The following ENTREP1 variants were observed in gnomAD, a reference collection of about 807,000 sequenced individuals.
ENTREP1 encodes the protein Friedreich ataxia region gene X123.
chr9:69,335,145 C>G, the ENTREP1 span, among the ~76,000 whole-genome samples: 1 of 152,084 alleles, frequency 6.6e-6, no homozygotes, highest in Non-Finnish European at 1.5e-5. Context: ...GTAGTTCCTC[C>G]CACTTTGTGG....
chr9:69,354,138 G>T, the ENTREP1 span, among the ~76,000 whole-genome samples: 2 of 151,382 alleles, frequency 1.3e-5, no homozygotes, highest in African/African-American at 4.9e-5. Flanking sequence ...ATTGTCTTAC[G>T]TATTTTTTTT....
chr9:69,367,690 T>C, the ENTREP1 span, among the ~76,000 whole-genome samples: 5 of 69,338 alleles, frequency 7.2e-5, no homozygotes, highest in Non-Finnish European at 1.1e-4. Flanking sequence ...AATATATATA[T>C]ACACATATAT....
At chr9:69,375,957 C>A in the ENTREP1 span, 2 of 1,366,528 alleles carry the variant, frequency 1.5e-6, no homozygotes, top group Non-Finnish European at 2.0e-6. Flanking sequence ...TCTATTACCT[C>A]CCTCAAACAA....
chr9:69,357,558 T>C, the ENTREP1 span, among the ~76,000 whole-genome samples: 1 of 152,118 alleles, frequency 6.6e-6, no homozygotes, highest in Non-Finnish European at 1.5e-5. Context: ...GTGATGGTAA[T>C]GTATCTGCCA....
the ENTREP1 span, among the ~76,000 whole-genome samples, chr9:69,364,046 A>T: frequency 1.3e-5 from 2 of 152,210 alleles, no homozygotes; most frequent in African/African-American, 4.8e-5. Context: ...TGTCACAAGC[A>T]AAAGAATGAA....
chr9:69,382,496 CT>C, the ENTREP1 span: 1 of 152,208 alleles, frequency 6.6e-6, no homozygotes, highest in African/African-American at 2.4e-5. Flanking sequence ...AGCTCATCAC[CT>C]TCTGCCTTCC....
the ENTREP1 span, among the ~76,000 whole-genome samples, chr9:69,363,696 C>T: frequency 6.6e-6 from 1 of 152,200 alleles, no homozygotes; most frequent in African/African-American, 2.4e-5. Context: ...AGGAGAATAA[C>T]TCCTCCAGCC....
At chr9:69,367,228 A>T in the ENTREP1 span, among the ~76,000 whole-genome samples, 1 of 151,464 alleles carries the variant, frequency 6.6e-6, no homozygotes, top group African/African-American at 2.4e-5. Context: ...CATCACACCT[A>T]GTCTATATAT....
chr9:69,382,468 A>G, the ENTREP1 span: 2 of 152,172 alleles, frequency 1.3e-5, no homozygotes, highest in African/African-American at 4.8e-5. Context: ...ACCTGCAAAC[A>G]TCTCCACTTC....
chr9:69,359,095 G>A, the ENTREP1 span, among the ~76,000 whole-genome samples: 5 of 151,618 alleles, frequency 3.3e-5, no homozygotes, highest in Admixed American at 2.6e-4. Context: ...TAGTAGAGAC[G>A]GGGTTTCACC....
At chr9:69,388,170 T>G in the ENTREP1 span, 2 of 1,614,194 alleles carry the variant, frequency 1.2e-6, no homozygotes, top group Non-Finnish European at 1.7e-6. Flanking sequence ...GCCCCAGTGC[T>G]CAGCTGTGAA....
the ENTREP1 span, among the ~76,000 whole-genome samples, chr9:69,357,855 C>T: frequency 1.3e-5 from 2 of 152,052 alleles, no homozygotes; most frequent in African/African-American, 4.8e-5. Context: ...CCAGTGCCAT[C>T]GTGTTGTGTT....
chr9:69,329,734 T>G, the ENTREP1 span: 1 of 930,122 alleles, frequency 1.1e-6, no homozygotes, highest in South Asian at 5.2e-5. Context: ...GTGTCTGTCT[T>G]CAGCTGTGCT....
the ENTREP1 span, among the ~76,000 whole-genome samples, chr9:69,357,696 G>A: frequency 6.6e-6 from 1 of 152,212 alleles, no homozygotes; most frequent in Non-Finnish European, 1.5e-5. Flanking sequence ...AATAGGTTGA[G>A]AGTGGTGAGA....
the ENTREP1 span, among the ~76,000 whole-genome samples, chr9:69,364,502 A>G: frequency 6.6e-6 from 1 of 151,694 alleles, no homozygotes; most frequent in Non-Finnish European, 1.5e-5. Context: ...GGCAGCTGAT[A>G]TTTTCTTGTC....
At chr9:69,376,996 G>C in the ENTREP1 span, among the ~76,000 whole-genome samples, 1 of 152,164 alleles carries the variant, frequency 6.6e-6, no homozygotes, top group Non-Finnish European at 1.5e-5. Context: ...GAGGGAGGAG[G>C]CTGGGAATTG....
the ENTREP1 span, among the ~76,000 whole-genome samples, chr9:69,338,199 G>C: frequency 6.6e-6 from 1 of 152,172 alleles, no homozygotes; most frequent in African/African-American, 2.4e-5. Context: ...TTGAAACTTT[G>C]GATGAGTTGT....
the ENTREP1 span, among the ~76,000 whole-genome samples, chr9:69,358,104 C>T: frequency 1.3e-5 from 2 of 152,136 alleles, no homozygotes; most frequent in African/African-American, 4.8e-5. Context: ...GTTCTTGTTT[C>T]AGTGGGAAAA....
the ENTREP1 span, among the ~76,000 whole-genome samples, chr9:69,365,962 C>T: frequency 3.9e-5 from 6 of 152,100 alleles, no homozygotes; most frequent in African/African-American, 1.4e-4. Flanking sequence ...CATAACTTAG[C>T]TATTGTGAAT....
Sources: gnomAD v4.1 joint callset for allele counts (sites outside exome capture counted in the v4.1 genomes callset) on GRCh38, gnomAD v4.1.1 for gene constraint, MANE v1.5 for transcripts, NCBI Gene and HGNC (gene_info 2026-07-23, HGNC 2026-07-21) for gene names.